The following FHIT variants were observed in gnomAD, a reference collection of about 807,000 sequenced individuals.
FHIT encodes the protein fragile histidine triad diadenosine triphosphatase.
In FHIT, 19 loss-of-function variants were observed where a neutral mutation model predicts 17.9. The observed-to-expected ratio is 1.06, with a 90% CI of 0.74 to 1.56. The LOEUF (loss-of-function observed/expected upper bound fraction) is 1.56. Among genes scored for constraint, FHIT ranks in the 40% most tolerant of loss-of-function variants. The probability of loss-of-function intolerance (pLI) is 0.00; values close to 1 mark genes in which losing one functional copy is unlikely to be tolerated. For synonymous variants in FHIT, 81 were observed against 69.7 expected (o/e 1.16, Z -0.81); for missense variants, 248 against 189.2 (o/e 1.31, Z -1.82).
At chr3:60,028,104 G>A (rs1299172326) in intron 5 of FHIT, among the ~76,000 whole-genome samples, 3 of 152,116 alleles carry the variant, frequency 2.0e-5, no homozygotes, top group Non-Finnish European at 2.9e-5. Flanking sequence ...AGGAGTGGTG[G>A]AACTGGCACA....
chr3:60,367,091 T>C (rs1039021327), intron 5 of FHIT, among the ~76,000 whole-genome samples: 2 of 152,230 alleles, frequency 1.3e-5, no homozygotes, highest in African/African-American at 4.8e-5. Flanking sequence ...AATACTCAAC[T>C]AATCTATAAA....
intron 3 of FHIT, among the ~76,000 whole-genome samples, chr3:60,885,471 T>G (rs563256387): frequency 1.4e-3 from 208 of 152,280 alleles, no homozygotes; most frequent in African/African-American, 4.9e-3. Context: ...AAGAGAGTTT[T>G]TATGACAGAC....
At chr3:59,938,878 G>T (rs1357672352) in intron 7 of FHIT, among the ~76,000 whole-genome samples, 1 of 152,068 alleles carries the variant, frequency 6.6e-6, no homozygotes, top group East Asian at 1.9e-4. Context: ...AGGACAATGA[G>T]CCCCAGTTTT....
intron 5 of FHIT, among the ~76,000 whole-genome samples, chr3:60,197,287 C>G (rs1351822737): frequency 6.6e-6 from 1 of 151,532 alleles, no homozygotes; most frequent in African/African-American, 2.4e-5. Context: ...AAAATACACA[C>G]AAGATTTCAT....
At chr3:60,451,520 C>T (rs1202221802) in intron 5 of FHIT, among the ~76,000 whole-genome samples, 3 of 152,082 alleles carry the variant, frequency 2.0e-5, no homozygotes, top group Non-Finnish European at 4.4e-5. Context: ...ATAGTACATA[C>T]ACTTTTGGTG....
In FHIT at chr3:59,869,484, C is replaced by CTTTTTTTTTTTTTTTTTTTTT. The variant is rs59589849; in HGVS notation, c.348+52861_348+52862insAAAAAAAAAAAAAAAAAAAAA. Among the ~76,000 whole-genome samples, 21 of 105,452 alleles carry CTTTTTTTTTTTTTTTTTTTTT rather than the reference C, an allele frequency of 2.0e-4. 3 individuals carry two copies. The highest frequency in any genetic ancestry group is 5.4e-4 in the African/African-American group (13 of 24,108). The allele number at this position is 105,452 out of a possible 152,430, so 69.2% of individuals were successfully genotyped here. On this transcript the variant is annotated intron_variant, in intron 8 of 9. Coordinates refer to ENST00000492590, the MANE Select transcript of FHIT (RefSeq NM_002012.4). ...ATTCCATCTTTCCTTAAAGAACATC[C>CTTTTTTTTTTTTTTTTTTTTT]TTTTTTTTTTTTTTTTAGACAGAGT... is the stretch of plus-strand genomic sequence containing the variant.
At chr3:60,494,583 T>C (rs1376684280) in intron 5 of FHIT, among the ~76,000 whole-genome samples, 1 of 152,100 alleles carries the variant, frequency 6.6e-6, no homozygotes, top group Non-Finnish European at 1.5e-5. Flanking sequence ...TATTTTTTTG[T>C]ACTCATTAAC....
chr3:61,187,141 T>G (rs1004734600), intron 2 of FHIT, among the ~76,000 whole-genome samples: 1 of 152,158 alleles, frequency 6.6e-6, no homozygotes, highest in South Asian at 2.1e-4. Context: ...TGTAGGTGAG[T>G]GCATATTCAT....
At chr3:60,006,498 T>C (rs560510913) in intron 7 of FHIT, among the ~76,000 whole-genome samples, 2 of 152,276 alleles carry the variant, frequency 1.3e-5, no homozygotes, top group African/African-American at 2.4e-5. Flanking sequence ...AGGGCCATGA[T>C]GTGGCAGGGC....
chr3:60,072,689 T>C (rs992411023), intron 5 of FHIT, among the ~76,000 whole-genome samples: 11 of 152,200 alleles, frequency 7.2e-5, no homozygotes, highest in South Asian at 2.1e-4. Flanking sequence ...GATTTAAACA[T>C]AGGCAGTGTG....
At chr3:60,219,974 C>T (rs371613484) in intron 5 of FHIT, among the ~76,000 whole-genome samples, 6 of 152,084 alleles carry the variant, frequency 3.9e-5, no homozygotes, top group East Asian at 1.9e-4. Context: ...TACTTGCAGC[C>T]GAGGAAAATC....
chr3:60,122,615 G>A (rs2107226588), intron 5 of FHIT, among the ~76,000 whole-genome samples: 1 of 152,198 alleles, frequency 6.6e-6, no homozygotes, highest in East Asian at 1.9e-4. Context: ...TTCAATTCAG[G>A]ACACGAAGGA....
At chr3:59,814,053 C>CACAT (rs1700507670) in intron 8 of FHIT, among the ~76,000 whole-genome samples, 1 of 151,658 alleles carries the variant, frequency 6.6e-6, no homozygotes, top group Admixed American at 6.6e-5. Flanking sequence ...CATACACACA[C>CACAT]ACACACACAC....
At chr3:60,808,031 A>G (rs1701457580) in intron 4 of FHIT, among the ~76,000 whole-genome samples, 1 of 152,132 alleles carries the variant, frequency 6.6e-6, no homozygotes, top group African/African-American at 2.4e-5. Flanking sequence ...TTTTAAAACT[A>G]TATATTCAGT....
chr3:60,045,000 G>C (rs541373728), intron 5 of FHIT, among the ~76,000 whole-genome samples: 1 of 152,112 alleles, frequency 6.6e-6, no homozygotes, highest in South Asian at 2.1e-4. Flanking sequence ...AAAGTCTTAC[G>C]TACCTTCTTT....
intron 8 of FHIT, among the ~76,000 whole-genome samples, chr3:59,885,411 G>A (rs1703579305): frequency 1.3e-5 from 2 of 151,640 alleles, no homozygotes; most frequent in South Asian, 2.1e-4. Context: ...CAGCCCTAAA[G>A]GGCTTCTAGA....
At chr3:60,715,054 C>G (rs1340962063) in intron 4 of FHIT, among the ~76,000 whole-genome samples, 11 of 152,098 alleles carry the variant, frequency 7.2e-5, no homozygotes, top group African/African-American at 2.7e-4. Flanking sequence ...GCTACAGTAA[C>G]CAAAACAGCA....
At chr3:60,048,592 G>T (rs1701749745) in intron 5 of FHIT, among the ~76,000 whole-genome samples, 1 of 152,196 alleles carries the variant, frequency 6.6e-6, no homozygotes, top group Non-Finnish European at 1.5e-5. Context: ...AACAGCAGGT[G>T]TGTTAACGTT....
At chr3:60,146,013 T>C (rs999169226) in intron 5 of FHIT, among the ~76,000 whole-genome samples, 12 of 151,572 alleles carry the variant, frequency 7.9e-5, no homozygotes, top group African/African-American at 2.9e-4. Flanking sequence ...AAAAGCTGTA[T>C]TGGTTTCCTC....
Sources: allele counts gnomAD v4.1 joint callset (sites outside exome capture counted in the v4.1 genomes callset), GRCh38; gene constraint gnomAD v4.1.1; transcripts MANE v1.5; gene names NCBI Gene and HGNC (gene_info 2026-07-23, HGNC 2026-07-21).